FSBP: variants seen among roughly 807,000 people sequenced by gnomAD.
FSBP encodes the protein fibrinogen silencer-binding protein.
Under a neutral mutation model 24.6 loss-of-function variants are expected in FSBP, and 18 were observed. The observed-to-expected ratio is 0.73, with a 90% CI of 0.51 to 1.08. FSBP has a LOEUF of 1.08. Among genes scored for constraint, FSBP ranks in the 50% least tolerant of loss-of-function variants. The pLI is 0.00. For missense variants in FSBP, 305 were observed against 347.6 expected (o/e 0.88, Z 0.98); for synonymous variants, 110 against 125.8 (o/e 0.87, Z 0.84).
chr8:94,428,127 AAGAT>A lies in FSBP; in HGVS notation c.*4000_*4003del. ...CCATTACATTCATATGGATAAGAGA[AAGAT>A]AGGAAAGTGGCTATCCACTATCTAA... On this transcript the variant is annotated 3_prime_UTR_variant, in exon 2 of 2. Transcript: ENST00000481490. 1 of 898,074 alleles carries A rather than the reference AAGAT, an allele frequency of 1.1e-6. No individual in the cohort carries two copies. The highest frequency in any genetic ancestry group is 1.3e-6 in the Non-Finnish European group (1 of 750,514). The allele number at this position is 898,074 out of a possible 1,614,324, so 55.6% of individuals were successfully genotyped here.
Position 94,431,284 on chromosome 8 carries a change from A to G in FSBP, c.*847T>C, listed in dbSNP as rs1812086567. 1.0e-6 allele frequency: 1 copy of G among 972,880 alleles called. No homozygotes were observed. The highest frequency in any genetic ancestry group is 1.2e-6 in the Non-Finnish European group (1 of 818,618). The allele number at this position is 972,880 out of a possible 1,614,324, so 60.3% of individuals were successfully genotyped here. A position where few individuals can be genotyped will look rare whatever the true frequency, so the allele number is the denominator to read the frequency against. ...CAGGACATTCAAAATGAATTAAGACATGTCTTTAAATCACACAGCCAAAAT... is the reference window on the plus strand; with the variant it reads ...CAGGACATTCAAAATGAATTAAGACGTGTCTTTAAATCACACAGCCAAAAT... On this transcript the variant is annotated 3_prime_UTR_variant, in exon 2 of 2. Coordinates refer to ENST00000481490, the MANE Select transcript of FSBP (RefSeq NM_001256141.2).
Position 94,428,558 on chromosome 8 carries a change from G to T in FSBP, c.*3573C>A. 1 of 275,634 alleles carries T rather than the reference G, an allele frequency of 3.6e-6. No individual in the cohort carries two copies. Among genetic ancestry groups the T allele is most frequent in the East Asian group, 1.8e-4 (1 of 5,668 alleles). 17.1% of individuals were successfully genotyped at this position (275,634 alleles called of 1,614,324 possible). ...CTATGTAAATAGTTGTTAGGATACAGGACAAGTGAGCCCCAAAACTGGGGA... is the reference window on the plus strand; with the variant it reads ...CTATGTAAATAGTTGTTAGGATACATGACAAGTGAGCCCCAAAACTGGGGA... On this transcript the variant is annotated 3_prime_UTR_variant, in exon 2 of 2. Coordinates refer to ENST00000481490, the MANE Select transcript of FSBP (RefSeq NM_001256141.2).
Position 94,431,088 on chromosome 8 carries a change from T to C in FSBP, c.*1043A>G, listed in dbSNP as rs1812080891. The C allele has an allele frequency of 6.1e-6, 6 of 984,148 alleles. No individual in the cohort carries two copies. Among genetic ancestry groups the C allele is most frequent in the South Asian group, 4.7e-5 (1 of 21,272 alleles). 61.0% of individuals were successfully genotyped at this position (984,148 alleles called of 1,614,324 possible). On this transcript the variant is annotated 3_prime_UTR_variant, in exon 2 of 2. Coordinates refer to ENST00000481490, the MANE Select transcript of FSBP (RefSeq NM_001256141.2). Reference sequence around the variant, plus strand: ...CTTCTCAACAAAACCCCAGCAAAAATAGAAATTCTTAAGTAACATACATAT... The same window carrying C: ...CTTCTCAACAAAACCCCAGCAAAAACAGAAATTCTTAAGTAACATACATAT...
chr8:94,428,877 G>A lies in FSBP; in HGVS notation c.*3254C>T, dbSNP rs1425239826. The A allele has an allele frequency of 1.0e-6, 1 of 985,078 alleles. No homozygotes were observed. The highest frequency in any genetic ancestry group is 1.2e-6 in the Non-Finnish European group (1 of 829,838). The allele number at this position is 985,078 out of a possible 1,614,324, so 61.0% of individuals were successfully genotyped here. ...AAAAAAGAAGAAAAAAAAAGGTTTG[G>A]TTCCAAATTACCCTAAGATACTCTG... On this transcript the variant is annotated 3_prime_UTR_variant, in exon 2 of 2. Coordinates refer to ENST00000481490, the MANE Select transcript of FSBP (RefSeq NM_001256141.2).
chr8:94,431,383 G>GTAA lies in FSBP; in HGVS notation c.*745_*747dup. ...TAGAGAGAGAATGGGGGTAATTGAT[G>GTAA]TAATTATCCTGATTTCACAACCTAA... On this transcript the variant is annotated 3_prime_UTR_variant, in exon 2 of 2. Transcript: ENST00000481490. 1.9e-5 allele frequency: 19 copies of GTAA among 984,490 alleles called. No individual in the cohort carries two copies. The highest frequency in any genetic ancestry group is 2.2e-5 in the Non-Finnish European group (18 of 829,160). The allele number at this position is 984,490 out of a possible 1,614,324, so 61.0% of individuals were successfully genotyped here. A position where few individuals can be genotyped will look rare whatever the true frequency, so the allele number is the denominator to read the frequency against.
At position 94,430,701 on chromosome 8, in the gene FSBP, T is replaced by A. The variant is rs1451753630; in HGVS notation, c.*1430A>T. ...GAGGCCCACTCACATGTTGTCTGTATAATGTTTTAAAAGCATTTTGTGTTA... is the reference window on the plus strand; with the variant it reads ...GAGGCCCACTCACATGTTGTCTGTAAAATGTTTTAAAAGCATTTTGTGTTA... On this transcript the variant is annotated 3_prime_UTR_variant, in exon 2 of 2. Transcript: ENST00000481490. 1 of 902,530 alleles carries A rather than the reference T, an allele frequency of 1.1e-6. No homozygotes were observed. The highest frequency in any genetic ancestry group is 1.3e-6 in the Non-Finnish European group (1 of 754,704). 55.9% of individuals were successfully genotyped at this position (902,530 alleles called of 1,614,324 possible).
intron 1 of FSBP, among the ~76,000 whole-genome samples, chr8:94,433,877 A>G (rs1301926726): frequency 2.6e-5 from 4 of 151,864 alleles, no homozygotes; most frequent in African/African-American, 9.7e-5. Flanking sequence ...TGCTGGAACA[A>G]GTTCAAGCAG....
Position 94,432,301 on chromosome 8 carries a change from G to A in FSBP, c.730C>T (p.Gln244Ter), listed in dbSNP as rs1217789532. Residue 244 changes from glutamine to a stop codon, truncating the protein, a stop_gained, in exon 2 of 2, where the codon CAG becomes TAG. Coordinates refer to ENST00000481490, the MANE Select transcript of FSBP (RefSeq NM_001256141.2). LOFTEE classifies it high-confidence loss of function. ...TTTTTTTGATTTTCTAAAATTATCT[G>A]ATGCTCCTCTTTCAACATTTGCAGG... ...QILQMLKEEH[Q>*]IILENQKNFG... The A allele has an allele frequency of 1.3e-6, 2 of 1,549,986 alleles. No homozygotes were observed. The highest frequency in any genetic ancestry group is 1.4e-5 in the African/African-American group (1 of 72,950).
Position 94,428,559 on chromosome 8 carries a change from G to T in FSBP, c.*3572C>A, listed in dbSNP as rs916890709. On this transcript the variant is annotated 3_prime_UTR_variant, in exon 2 of 2. Transcript: ENST00000481490. ...TATGTAAATAGTTGTTAGGATACAG[G>T]ACAAGTGAGCCCCAAAACTGGGGAT... 3.6e-6 allele frequency: 1 copy of T among 278,950 alleles called. No individual in the cohort carries two copies. The highest frequency in any genetic ancestry group is 5.4e-6 in the Non-Finnish European group (1 of 184,276). 17.3% of individuals were successfully genotyped at this position (278,950 alleles called of 1,614,324 possible). A position where few individuals can be genotyped will look rare whatever the true frequency, so the allele number is the denominator to read the frequency against.
chr8:94,432,056 T>C lies in FSBP; in HGVS notation c.*75A>G. ...CAACATTTTTCAAGAACGTGTATTC[T>C]GTTTCAGGATATTCCCAAATTAAAG... On this transcript the variant is annotated 3_prime_UTR_variant, in exon 2 of 2. Coordinates refer to ENST00000481490, the MANE Select transcript of FSBP (RefSeq NM_001256141.2). 6.9e-7 allele frequency: 1 copy of C among 1,452,792 alleles called. No homozygotes were observed. The highest frequency in any genetic ancestry group is 1.4e-5 in the African/African-American group (1 of 69,988). 90.0% of individuals were successfully genotyped at this position (1,452,792 alleles called of 1,614,324 possible).
chr8:94,427,881 G>A lies in FSBP; in HGVS notation c.*4250C>T. ...AGAAGGCACATGAAAAAAACTCATA[G>A]TTTAAACATTTTCACATAAGTAAAG... On this transcript the variant is annotated 3_prime_UTR_variant, in exon 2 of 2. Transcript: ENST00000481490. 2 of 952,916 alleles carry A rather than the reference G, an allele frequency of 2.1e-6. No homozygotes were observed. The highest frequency in any genetic ancestry group is 2.5e-6 in the Non-Finnish European group (2 of 800,832). The allele number at this position is 952,916 out of a possible 1,614,324, so 59.0% of individuals were successfully genotyped here.
At chr8:94,432,687 T>A in intron 1 of FSBP, 31 bp from the exon 2 acceptor site, 1 of 1,426,846 alleles carries the variant, frequency 7.0e-7, no homozygotes, top group Non-Finnish European at 9.2e-7. Flanking sequence ...TTATAATATG[T>A]AAATCAAATG....
chr8:94,432,053 TTC>T lies in FSBP; in HGVS notation c.*76_*77del, dbSNP rs1812111866. On this transcript the variant is annotated 3_prime_UTR_variant, in exon 2 of 2. Coordinates refer to ENST00000481490, the MANE Select transcript of FSBP (RefSeq NM_001256141.2). ...TAACAACATTTTTCAAGAACGTGTATTCTGTTTCAGGATATTCCCAAATTAAA... is the reference window on the plus strand; with the variant it reads ...TAACAACATTTTTCAAGAACGTGTATTGTTTCAGGATATTCCCAAATTAAA... The T allele has an allele frequency of 1.4e-6, 2 of 1,450,834 alleles. No homozygotes were observed. Among genetic ancestry groups the T allele is most frequent in the Non-Finnish European group, 9.0e-7 (1 of 1,105,232 alleles). 89.9% of individuals were successfully genotyped at this position (1,450,834 alleles called of 1,614,324 possible).
Position 94,428,380 on chromosome 8 carries a change from G to A in FSBP, c.*3751C>T. Reference sequence around the variant, plus strand: ...TAGTCATCCCTCAGTATCCAAGGGGGATTGGTTTCAGGACACCCCCTACCC... The same window carrying A: ...TAGTCATCCCTCAGTATCCAAGGGGAATTGGTTTCAGGACACCCCCTACCC... On this transcript the variant is annotated 3_prime_UTR_variant, in exon 2 of 2. Transcript: ENST00000481490. 5 of 950,646 alleles carry A rather than the reference G, an allele frequency of 5.3e-6. No homozygotes were observed. The highest frequency in any genetic ancestry group is 6.3e-6 in the Non-Finnish European group (5 of 798,380). 58.9% of individuals were successfully genotyped at this position (950,646 alleles called of 1,614,324 possible).
chr8:94,428,398 C>G lies in FSBP; in HGVS notation c.*3733G>C. The G allele has an allele frequency of 9.7e-6, 8 of 827,424 alleles. No homozygotes were observed. Among genetic ancestry groups the G allele is most frequent in the Non-Finnish European group, 1.2e-5 (8 of 686,114 alleles). The allele number at this position is 827,424 out of a possible 1,614,324, so 51.3% of individuals were successfully genotyped here. On this transcript the variant is annotated 3_prime_UTR_variant, in exon 2 of 2. Coordinates refer to ENST00000481490, the MANE Select transcript of FSBP (RefSeq NM_001256141.2). ...CAAGGGGGATTGGTTTCAGGACACC[C>G]CCTACCCCATCAAGATCCACAGATA...
intron 1 of FSBP, among the ~76,000 whole-genome samples, chr8:94,434,692 C>T (rs1311924804): frequency 2.0e-5 from 3 of 151,290 alleles, no homozygotes; most frequent in Non-Finnish European, 4.4e-5. Flanking sequence ...AATATAAGCA[C>T]ATTAAATATA....
Position 94,430,834 on chromosome 8 carries a change from A to G in FSBP, c.*1297T>C, listed in dbSNP as rs1254792920. ...GAGCTAAACAGCAGCTACCCTACCT[A>G]GTCCAGGGAGATGTCCTTCCTAGTC... On this transcript the variant is annotated 3_prime_UTR_variant, in exon 2 of 2. Transcript: ENST00000481490. 3.0e-6 allele frequency: 3 copies of G among 985,338 alleles called. No homozygotes were observed. In the African/African-American group the frequency reaches 5.2e-5, roughly 17 times the overall value. The allele number at this position is 985,338 out of a possible 1,614,324, so 61.0% of individuals were successfully genotyped here.
rs1812095506 is a variant in FSBP, at chr8:94,431,572, A to C, written c.*559T>G. 1.1e-6 allele frequency: 1 copy of C among 938,584 alleles called. No homozygotes were observed. Among genetic ancestry groups the C allele is most frequent in the South Asian group, 4.9e-5 (1 of 20,336 alleles). 58.1% of individuals were successfully genotyped at this position (938,584 alleles called of 1,614,324 possible). A position where few individuals can be genotyped will look rare whatever the true frequency, so the allele number is the denominator to read the frequency against. On this transcript the variant is annotated 3_prime_UTR_variant, in exon 2 of 2. Transcript: ENST00000481490. ...CATAAATAGCTTTGTTACCCTAAGT[A>C]AGTCATTGAGTTCTCCCTGGACCTG...
chr8:94,435,919 C>A (rs1400885746), intron 1 of FSBP, among the ~76,000 whole-genome samples: 1 of 152,038 alleles, frequency 6.6e-6, no homozygotes, highest in Non-Finnish European at 1.5e-5. Context: ...TAGTTGTGTT[C>A]ATCTTTATTT....
Sources: allele counts gnomAD v4.1 joint callset (sites outside exome capture counted in the v4.1 genomes callset), GRCh38; gene constraint gnomAD v4.1.1; transcripts MANE v1.5; gene names NCBI Gene and HGNC (gene_info 2026-07-23, HGNC 2026-07-21).